Variants in PTPRO observed in about 807,000 individuals in gnomAD.
PTPRO encodes the protein receptor-type tyrosine-protein phosphatase O.
Under a neutral mutation model 145.2 loss-of-function variants are expected in PTPRO, and 62 were observed. The observed-to-expected ratio is 0.43, with a 90% confidence interval of 0.35 to 0.53. The LOEUF is 0.53. PTPRO is among the 20% of genes least tolerant of loss of function. The pLI is 0.01. For missense variants in PTPRO, 1,345 were observed against 1,482.7 expected (o/e 0.91, Z 1.53); for synonymous variants, 565 against 514.7 (o/e 1.10, Z -1.32).
chr12:15,476,798 G>C (rs2136426447), intron 1 of PTPRO, among the ~76,000 whole-genome samples: 1 of 149,242 alleles, frequency 6.7e-6, no homozygotes, highest in Non-Finnish European at 1.5e-5. Context: ...AAAGCACTAT[G>C]AGATATCATC....
chr12:15,385,715 G>T (rs1375268706), intron 1 of PTPRO, among the ~76,000 whole-genome samples: 1 of 151,472 alleles, frequency 6.6e-6, no homozygotes, highest in African/African-American at 2.4e-5. Context: ...AGGAGGCTGA[G>T]GCAGGTGAAT....
chr12:15,417,192 T>G (rs912606781), intron 1 of PTPRO, among the ~76,000 whole-genome samples: 4 of 151,622 alleles, frequency 2.6e-5, no homozygotes, highest in African/African-American at 9.8e-5. Context: ...CAGACGCTAC[T>G]CAGCTTATAA....
intron 1 of PTPRO, among the ~76,000 whole-genome samples, chr12:15,478,686 C>T (rs1420583337): frequency 6.6e-6 from 1 of 151,276 alleles, no homozygotes; most frequent in East Asian, 1.9e-4. Flanking sequence ...TTTTTTTTTT[C>T]TTTGAGACAG....
At chr12:15,392,418 GC>G (rs1339521590) in intron 1 of PTPRO, among the ~76,000 whole-genome samples, 4 of 152,070 alleles carry the variant, frequency 2.6e-5, no homozygotes, top group Non-Finnish European at 5.9e-5. Context: ...AGTTAGATAA[GC>G]TTTAAAGAAG....
rs915146305 is a variant in PTPRO at position 15,484,140 on chromosome 12, C to T, written c.242C>T (p.Pro81Leu). 2.5e-6 allele frequency: 4 copies of T among 1,613,774 alleles called. No homozygotes were observed. The highest frequency in any genetic ancestry group is 1.7e-5 in the Admixed American group (1 of 59,964). The part of the protein sequence containing the change: ...FEEFNSTLPP[P>L]VIFKASYHGL... ...GAATTCAACAGCACTTTGCCTCCTC[C>T]TGTTATTTTCAAGGCCAGTTATCAT... is the stretch of plus-strand genomic sequence containing the variant. Residue 81 changes from proline to leucine, a missense_variant, in exon 2 of 27, where the codon CCT (proline) becomes CTT (leucine). Pro to Leu is a moderately conservative substitution (Grantham distance 98). This residue lies in a region of PTPRO where 1,130 missense variants were observed against 1,214.7 expected (regional missense o/e 0.93). Transcript: ENST00000281171.
At chr12:15,503,839 G>T in intron 5 of PTPRO, 69 bp from the exon 6 acceptor site, 3 of 1,316,228 alleles carry the variant, frequency 2.3e-6, no homozygotes, top group Admixed American at 2.1e-5. Context: ...TTCATTAATC[G>T]ACTTGTCTAT....
Position 15,428,812 on chromosome 12 carries a change from G to C in PTPRO, c.76-55162G>C, listed in dbSNP as rs1278643790. Reference sequence around the variant, plus strand: ...ATTCCATGTTCAGGGTCATCCCGTGGTCTAAGACAAATGCTGGAATTTCAG... The same window carrying C: ...ATTCCATGTTCAGGGTCATCCCGTGCTCTAAGACAAATGCTGGAATTTCAG... On this transcript the variant is annotated intron_variant, in intron 1 of 26. Coordinates refer to ENST00000281171, the MANE Select transcript of PTPRO (RefSeq NM_030667.3). Among the ~76,000 whole-genome samples, 3 of 152,074 alleles carry C rather than the reference G, an allele frequency of 2.0e-5. No individual in the cohort carries two copies. The East Asian group carries it at 5.8e-4, about 29-fold the overall frequency.
chr12:15,393,947 G>A (rs1243762798), intron 1 of PTPRO, among the ~76,000 whole-genome samples: 1 of 152,204 alleles, frequency 6.6e-6, no homozygotes, highest in African/African-American at 2.4e-5. Context: ...CACATGGCAA[G>A]GAGGCTTAAG....
chr12:15,582,948 C>G (rs1944352569), intron 23 of PTPRO, among the ~76,000 whole-genome samples: 1 of 152,140 alleles, frequency 6.6e-6, no homozygotes, highest in South Asian at 2.1e-4. Context: ...TGAAGTCATG[C>G]CATTGACCTC....
rs1469955549 is a variant in PTPRO at position 15,598,033 on chromosome 12, A to G, written c.*1960A>G. Among the ~76,000 whole-genome samples, 1 of 152,190 alleles carries G rather than the reference A, an allele frequency of 6.6e-6. No individual in the cohort carries two copies. Among genetic ancestry groups the G allele is most frequent in the African/African-American group, 2.4e-5 (1 of 41,440 alleles). ...TTTGCATCCTGGAACATTGCTTCCC[A>G]TGAAACAAAGCACTTCATAAATATT... On this transcript the variant is annotated 3_prime_UTR_variant, in exon 27 of 27. Coordinates refer to ENST00000281171, the MANE Select transcript of PTPRO (RefSeq NM_030667.3).
At chr12:15,567,794 C>T (rs988257436) in intron 18 of PTPRO, among the ~76,000 whole-genome samples, 6 of 152,150 alleles carry the variant, frequency 3.9e-5, no homozygotes, top group African/African-American at 1.4e-4. Context: ...TCCCTGGATT[C>T]CAGTGAGAAT....
chr12:15,567,626 T>C (rs1429393632), intron 18 of PTPRO, among the ~76,000 whole-genome samples: 1 of 152,124 alleles, frequency 6.6e-6, no homozygotes, highest in Non-Finnish European at 1.5e-5. Flanking sequence ...GCTAGAGTTG[T>C]TAAATCCAAC....
In PTPRO at chr12:15,439,985, A is replaced by G. The variant is rs931484213; in HGVS notation, c.76-43989A>G. 11 of 684,518 alleles carry G rather than the reference A, an allele frequency of 1.6e-5. No homozygotes were observed. The African/African-American group carries it at 1.8e-4, about 11-fold the overall frequency. The allele number at this position is 684,518 out of a possible 1,614,324, so 42.4% of individuals were successfully genotyped here. A position where few individuals can be genotyped will look rare whatever the true frequency, so the allele number is the denominator to read the frequency against. On this transcript the variant is annotated intron_variant, in intron 1 of 26. Coordinates refer to ENST00000281171, the MANE Select transcript of PTPRO (RefSeq NM_030667.3). ...GGTGGCCACTGCCATCTGCGGGGCC[A>G]TCATCCTGGCCAAGCTCTCCATTGT...
At chr12:15,479,679 C>A (rs563961460) in intron 1 of PTPRO, among the ~76,000 whole-genome samples, 1 of 152,326 alleles carries the variant, frequency 6.6e-6, no homozygotes, top group South Asian at 2.1e-4. Flanking sequence ...AGATTTCTCT[C>A]CCCCAGCACA....
chr12:15,436,115 A>G (rs1018367458), intron 1 of PTPRO, among the ~76,000 whole-genome samples: 18 of 152,266 alleles, frequency 1.2e-4, no homozygotes, highest in Non-Finnish European at 1.8e-4. Flanking sequence ...TCTTTGGGAC[A>G]CATTCAAAGC....
Position 15,520,195 on chromosome 12 carries a change from A to T in PTPRO, c.1780-6A>T. On this transcript the variant is annotated splice_polypyrimidine_tract_variant and splice_region_variant and intron_variant, in intron 9 of 26. Coordinates refer to ENST00000281171, the MANE Select transcript of PTPRO (RefSeq NM_030667.3). ...TTTTGTCTCCTTGCTTGCTTTTCTCATTCAGAGAATAGCTAATCTGCTGCC... is the reference window on the plus strand; with the variant it reads ...TTTTGTCTCCTTGCTTGCTTTTCTCTTTCAGAGAATAGCTAATCTGCTGCC... 2 of 1,603,120 alleles carry T rather than the reference A, an allele frequency of 1.2e-6. No homozygotes were observed. Among genetic ancestry groups the T allele is most frequent in the Admixed American group, 1.7e-5 (1 of 60,002 alleles).
At chr12:15,354,066 A>G (rs1937900251) in intron 1 of PTPRO, among the ~76,000 whole-genome samples, 1 of 152,134 alleles carries the variant, frequency 6.6e-6, no homozygotes, top group African/African-American at 2.4e-5. Context: ...GGTGTTGGCT[A>G]TTGTTTGTGC....
At chr12:15,453,937 C>A (rs1470188138) in intron 1 of PTPRO, among the ~76,000 whole-genome samples, 1 of 152,124 alleles carries the variant, frequency 6.6e-6, no homozygotes, top group South Asian at 2.1e-4. Flanking sequence ...AATAATAACC[C>A]ATTATATGCA....
At chr12:15,505,413 T>C (rs565487143) in intron 6 of PTPRO, among the ~76,000 whole-genome samples, 1 of 152,368 alleles carries the variant, frequency 6.6e-6, no homozygotes, top group African/African-American at 2.4e-5. Context: ...GAACCACTTA[T>C]ATCTTTCATG....
Sources: gnomAD v4.1 joint callset for allele counts (sites outside exome capture counted in the v4.1 genomes callset) on GRCh38, gnomAD v4.1.1 for gene constraint, gnomAD v4.1.1 regional missense constraint, MANE v1.5 for transcripts, NCBI Gene and HGNC (gene_info 2026-07-23, HGNC 2026-07-21) for gene names.